Variants in PLGRKT observed in about 807,000 individuals in gnomAD.
PLGRKT encodes plasminogen receptor with a C-terminal lysine.
PLGRKT carries 22 observed loss-of-function variants against 18.5 expected under a neutral mutation model. The observed-to-expected ratio is 1.19, with a 90% CI of 0.85 to 1.70. PLGRKT has a LOEUF of 1.70. Among genes scored for constraint, PLGRKT ranks in the 40% most tolerant of loss-of-function variants. The probability of loss-of-function intolerance (pLI) is 0.00; values close to 1 mark genes in which losing one functional copy is unlikely to be tolerated. For missense variants in PLGRKT, 235 were observed against 174.4 expected, an observed-to-expected ratio of 1.35 and a Z score of -1.96; for synonymous variants, 72 against 52.8, an observed-to-expected ratio of 1.36 and a Z score of -1.58.
At chr9:5,379,154 A>G (rs1287423959) in intron 3 of PLGRKT, among the ~76,000 whole-genome samples, 1 of 152,216 alleles carries the variant, frequency 6.6e-6, no homozygotes, top group Non-Finnish European at 1.5e-5. Context: ...ATCAACACAC[A>G]AACATTACAG....
intron 3 of PLGRKT, among the ~76,000 whole-genome samples, chr9:5,390,813 T>C (rs1036192205): frequency 7.2e-5 from 11 of 151,970 alleles, no homozygotes; most frequent in Non-Finnish European, 1.0e-4. Context: ...TTTATAGCTA[T>C]GCTGCTTTTT....
intron 3 of PLGRKT, among the ~76,000 whole-genome samples, chr9:5,429,760 A>G (rs1020376048): frequency 1.3e-5 from 2 of 152,226 alleles, no homozygotes; most frequent in Admixed American, 6.5e-5. Context: ...TAAGGCTTCA[A>G]CATATGAATT....
In PLGRKT at chr9:5,418,555, A is replaced by C. The variant is rs1346192497; in HGVS notation, c.81+13342T>G. 1 of 823,688 alleles carries C rather than the reference A, an allele frequency of 1.2e-6. No individual in the cohort carries two copies. The highest frequency in any genetic ancestry group is 2.1e-6 in the Non-Finnish European group (1 of 470,582). The allele number at this position is 823,688 out of a possible 1,614,324, so 51.0% of individuals were successfully genotyped here. ...CACCCCCTGGGGAGCCCTGCCTTGCAGAGGCTGCTGTCCAGCAGGGATGGT... is the reference window on the plus strand; with the variant it reads ...CACCCCCTGGGGAGCCCTGCCTTGCCGAGGCTGCTGTCCAGCAGGGATGGT... On this transcript the variant is annotated intron_variant, in intron 3 of 5. Transcript: ENST00000223864. This position sits in a 1 kb window ranked among gnomAD's most constrained non-coding sequence, Gnocchi z 4.2.
At chr9:5,375,544 A>C (rs1295205089) in intron 3 of PLGRKT, among the ~76,000 whole-genome samples, 1 of 152,240 alleles carries the variant, frequency 6.6e-6, no homozygotes, top group African/African-American at 2.4e-5. Flanking sequence ...GTATAATCTT[A>C]GAGAGGCAAA....
chr9:5,364,869 A>G (rs914970068), intron 3 of PLGRKT, among the ~76,000 whole-genome samples: 1 of 152,214 alleles, frequency 6.6e-6, no homozygotes, highest in Non-Finnish European at 1.5e-5. Context: ...AGAATGAACC[A>G]TGTGGTACTG....
At chr9:5,422,266 C>A (rs958868785) in intron 3 of PLGRKT, among the ~76,000 whole-genome samples, 2 of 152,066 alleles carry the variant, frequency 1.3e-5, no homozygotes, top group African/African-American at 4.8e-5. Context: ...AAAGGTAAGA[C>A]AACCAGACCT....
At chr9:5,413,955 T>C (rs2131148873) in intron 3 of PLGRKT, among the ~76,000 whole-genome samples, 1 of 152,352 alleles carries the variant, frequency 6.6e-6, no homozygotes, top group Non-Finnish European at 1.5e-5. Context: ...ATCAATGATA[T>C]GCTACCCTTC....
intron 3 of PLGRKT, among the ~76,000 whole-genome samples, chr9:5,396,536 C>A (rs1563778439): frequency 6.6e-6 from 1 of 151,950 alleles, no homozygotes; most frequent in Non-Finnish European, 1.5e-5. Flanking sequence ...CTCAGGTGAT[C>A]TGCCCACCTC....
chr9:5,397,915 T>A (rs1032776325), intron 3 of PLGRKT, among the ~76,000 whole-genome samples: 5 of 151,882 alleles, frequency 3.3e-5, no homozygotes, highest in African/African-American at 1.2e-4. Flanking sequence ...CTCCTCCTTA[T>A]TTCCTTTTAT....
chr9:5,382,026 T>C (rs910189103), intron 3 of PLGRKT: 1 of 985,080 alleles, frequency 1.0e-6, no homozygotes, highest in Non-Finnish European at 1.2e-6. Flanking sequence ...GTTGAAAATG[T>C]GCACCCTGAA....
chr9:5,379,873 C>G (rs114274067), intron 3 of PLGRKT, among the ~76,000 whole-genome samples: 5 of 152,114 alleles, frequency 3.3e-5, no homozygotes, highest in Non-Finnish European at 7.4e-5. Context: ...AATCTTCATG[C>G]TTTTCTCCCC....
At chr9:5,397,743 C>G in intron 3 of PLGRKT, among the ~76,000 whole-genome samples, 2 of 151,764 alleles carry the variant, frequency 1.3e-5, no homozygotes, top group Non-Finnish European at 2.9e-5. Context: ...AGCAGCTGTC[C>G]CAGGTGCTGC....
chr9:5,410,176 T>C (rs1818334892), intron 3 of PLGRKT, among the ~76,000 whole-genome samples: 1 of 152,230 alleles, frequency 6.6e-6, no homozygotes, highest in South Asian at 2.1e-4. Context: ...CATTTTCAAG[T>C]ATAAAAGTTT....
chr9:5,426,737 A>G (rs1328997708), intron 3 of PLGRKT, among the ~76,000 whole-genome samples: 1 of 152,178 alleles, frequency 6.6e-6, no homozygotes, highest in Non-Finnish European at 1.5e-5. Flanking sequence ...CATTTCCCAG[A>G]GTTGTGTTTG....
At chr9:5,427,981 T>C (rs1437995133) in intron 3 of PLGRKT, among the ~76,000 whole-genome samples, 1 of 152,268 alleles carries the variant, frequency 6.6e-6, no homozygotes, top group Admixed American at 6.5e-5. Flanking sequence ...GGTGTCCTAA[T>C]GGTGCTTTGG....
chr9:5,404,059 C>A (rs1230342672), intron 3 of PLGRKT, among the ~76,000 whole-genome samples: 1 of 152,080 alleles, frequency 6.6e-6, no homozygotes, highest in Non-Finnish European at 1.5e-5. Context: ...ACACATACAC[C>A]CTTCTCAAGA....
In PLGRKT at chr9:5,418,651, T is replaced by A. The variant is rs756501802; in HGVS notation, c.81+13246A>T. ...GCTCATATCTCCGGGCAGCAGCGCG[T>A]GCTCCTTGGAGATGGGCAGGGGCAG... is the stretch of plus-strand genomic sequence containing the variant. On this transcript the variant is annotated intron_variant, in intron 3 of 5. Coordinates refer to ENST00000223864, the MANE Select transcript of PLGRKT (RefSeq NM_018465.4). The surrounding 1 kb of genome is among the most constrained non-coding windows in gnomAD (Gnocchi z 4.2). The A allele has an allele frequency of 5.5e-5, 38 of 688,448 alleles. No individual in the cohort carries two copies. The highest frequency in any genetic ancestry group is 3.8e-5 in the Non-Finnish European group (14 of 369,036). The allele number at this position is 688,448 out of a possible 1,614,324, so 42.6% of individuals were successfully genotyped here.
intron 3 of PLGRKT, among the ~76,000 whole-genome samples, chr9:5,389,009 A>T (rs570376004): frequency 6.6e-6 from 1 of 152,098 alleles, no homozygotes; most frequent in East Asian, 1.9e-4. Context: ...TTGTGCAATG[A>T]AGAAGACATG....
intron 2 of PLGRKT, among the ~76,000 whole-genome samples, chr9:5,432,320 C>CT (rs1221036888): frequency 2.6e-5 from 4 of 152,206 alleles, no homozygotes; most frequent in African/African-American, 9.6e-5. Context: ...AAAAACAACT[C>CT]TCTTTTTTTG....
Sources: gnomAD v4.1 joint callset for allele counts (sites outside exome capture counted in the v4.1 genomes callset) on GRCh38, gnomAD v4.1.1 for gene constraint, Gnocchi (gnomAD v3.1) non-coding constraint, MANE v1.5 for transcripts, NCBI Gene and HGNC (gene_info 2026-07-23, HGNC 2026-07-21) for gene names.